The following NOVA1 variants were observed in gnomAD, a reference collection of about 807,000 sequenced individuals.
NOVA1 encodes the protein RNA-binding protein Nova-1.
In NOVA1, 7 loss-of-function variants were observed where a neutral mutation model predicts 38.0. The observed-to-expected ratio is 0.18, with a 90% CI of 0.10 to 0.35. NOVA1 has a LOEUF of 0.35. Ranked by LOEUF, NOVA1 falls within the 10% of genes least tolerant of loss-of-function variation. The pLI is 1.00. For missense variants in NOVA1, 460 were observed against 616.0 expected (o/e 0.75, Z 2.68); for synonymous variants, 270 against 232.5 (o/e 1.16, Z -1.47).
At chr14:26,558,502 T>C (rs1891629863) in intron 2 of NOVA1, among the ~76,000 whole-genome samples, 2 of 152,052 alleles carry the variant, frequency 1.3e-5, no homozygotes. Context: ...AAACAGTCCA[T>C]TAATTAAAGA....
At chr14:26,500,955 A>G (rs546748804) in intron 2 of NOVA1, among the ~76,000 whole-genome samples, 1 of 152,100 alleles carries the variant, frequency 6.6e-6, no homozygotes, top group Non-Finnish European at 1.5e-5. Flanking sequence ...TAAATGATTC[A>G]CAGTGCTCAT....
chr14:26,597,027 C>T, intron 1 of NOVA1: 1 of 1,212,564 alleles, frequency 8.2e-7, no homozygotes, highest in Non-Finnish European at 1.0e-6. Flanking sequence ...AACCTCTGGA[C>T]CGATTAAATG....
chr14:26,470,212 T>C, intron 4 of NOVA1: 1 of 1,036,314 alleles, frequency 9.6e-7, no homozygotes. Flanking sequence ...TATTAAAACC[T>C]ATTTTCTTAT....
chr14:26,544,196 A>G lies in NOVA1; in HGVS notation c.280+51214T>C, dbSNP rs113227357. Among the ~76,000 whole-genome samples, 1,201 of 152,072 alleles carry G rather than the reference A, an allele frequency of 7.9e-3. 3 individuals carry two copies. The highest frequency in any genetic ancestry group is 0.012 in the Non-Finnish European group (819 of 67,874). ...GACTATAAAAAAAGAAAAAAGAAAA[A>G]CAAGGTAACTCCAAAACAAAGAGGA... On this transcript the variant is annotated intron_variant, in intron 2 of 4. Transcript: ENST00000539517.
At chr14:26,464,209 C>T (rs944470017) in intron 4 of NOVA1, among the ~76,000 whole-genome samples, 2 of 152,116 alleles carry the variant, frequency 1.3e-5, no homozygotes, top group Non-Finnish European at 2.9e-5. Context: ...AATGACAGGC[C>T]ACATATATGG....
chr14:26,556,955 T>A (rs1891523980), intron 2 of NOVA1, among the ~76,000 whole-genome samples: 1 of 152,160 alleles, frequency 6.6e-6, no homozygotes, highest in African/African-American at 2.4e-5. Context: ...TAAGAGGGAA[T>A]AAGGTGTTGT....
intron 2 of NOVA1, among the ~76,000 whole-genome samples, chr14:26,587,487 A>G (rs1325287260): frequency 1.3e-5 from 2 of 151,114 alleles, no homozygotes; most frequent in Non-Finnish European, 3.0e-5. Flanking sequence ...AAATATGCAT[A>G]ATAATTAACA....
intron 2 of NOVA1, among the ~76,000 whole-genome samples, chr14:26,540,719 A>G (rs1229021084): frequency 6.6e-6 from 1 of 152,202 alleles, no homozygotes; most frequent in Non-Finnish European, 1.5e-5. Flanking sequence ...TTAATTTTAA[A>G]CTGTGGCACT....
At chr14:26,541,714 T>C (rs1890476607) in intron 2 of NOVA1, among the ~76,000 whole-genome samples, 1 of 151,530 alleles carries the variant, frequency 6.6e-6, no homozygotes, top group Non-Finnish European at 1.5e-5. Flanking sequence ...GAAAAATGTA[T>C]TTTACTGATG....
Position 26,447,765 on chromosome 14 carries a change from A to T in NOVA1, c.*194T>A, listed in dbSNP as rs1882196846. ...CAAAGTATAGAGAACAAAACAGATCAAGAAAAAATTCTTTCTATGAAACAT... is the reference window on the plus strand; with the variant it reads ...CAAAGTATAGAGAACAAAACAGATCTAGAAAAAATTCTTTCTATGAAACAT... On this transcript the variant is annotated 3_prime_UTR_variant, in exon 5 of 5. Transcript: ENST00000539517. 1.7e-6 allele frequency: 1 copy of T among 601,580 alleles called. No homozygotes were observed. Among genetic ancestry groups the T allele is most frequent in the African/African-American group, 1.9e-5 (1 of 53,892 alleles). The allele number at this position is 601,580 out of a possible 1,614,324, so 37.3% of individuals were successfully genotyped here.
chr14:26,484,673 G>A (rs1386552671), intron 2 of NOVA1, among the ~76,000 whole-genome samples: 3 of 151,730 alleles, frequency 2.0e-5, no homozygotes, highest in Non-Finnish European at 4.4e-5. Context: ...CTTGAATCTA[G>A]TAGATTCTAC....
chr14:26,497,752 G>GT (rs1319040096), intron 2 of NOVA1, among the ~76,000 whole-genome samples: 1 of 152,104 alleles, frequency 6.6e-6, no homozygotes, highest in African/African-American at 2.4e-5. Context: ...AACTAGTCAA[G>GT]TAAGGAGTAC....
At chr14:26,457,799 G>A (rs1245590362) in intron 4 of NOVA1, among the ~76,000 whole-genome samples, 3 of 152,150 alleles carry the variant, frequency 2.0e-5, no homozygotes, top group Non-Finnish European at 4.4e-5. Context: ...GGAGAGGATA[G>A]CTCCATGTGT....
In NOVA1 at chr14:26,501,824, C is replaced by T. The variant is rs527481091; in HGVS notation, c.281-21681G>A. Among the ~76,000 whole-genome samples, 496 of 151,992 alleles carry T rather than the reference C, an allele frequency of 3.3e-3. 2 individuals are homozygous for T. Among genetic ancestry groups the T allele is most frequent in the Non-Finnish European group, 5.5e-3 (373 of 67,816 alleles). On this transcript the variant is annotated intron_variant, in intron 2 of 4. Coordinates refer to ENST00000539517, the MANE Select transcript of NOVA1 (RefSeq NM_002515.3). ...CTTTTCAGCTATTAAAATAATCAAT[C>T]ATAAATCAAAGTGCCCATTTACTAT...
chr14:26,478,528 C>T (rs1310201373), intron 3 of NOVA1, among the ~76,000 whole-genome samples: 4 of 151,920 alleles, frequency 2.6e-5, no homozygotes, highest in Non-Finnish European at 4.4e-5. Flanking sequence ...CTCTTAGCCC[C>T]AGGTGATTTT....
At chr14:26,560,030 G>A (rs1303920371) in intron 2 of NOVA1, among the ~76,000 whole-genome samples, 2 of 151,508 alleles carry the variant, frequency 1.3e-5, no homozygotes, top group African/African-American at 4.8e-5. Context: ...AATACATTTT[G>A]TATAATTTGT....
chr14:26,452,063 T>G (rs1882726608), intron 4 of NOVA1, among the ~76,000 whole-genome samples: 1 of 152,198 alleles, frequency 6.6e-6, no homozygotes, highest in Non-Finnish European at 1.5e-5. Context: ...AGAAAATTAA[T>G]GGAAACATAA....
At chr14:26,571,134 T>C (rs1016271714) in intron 2 of NOVA1, among the ~76,000 whole-genome samples, 1 of 151,098 alleles carries the variant, frequency 6.6e-6, no homozygotes, top group Non-Finnish European at 1.5e-5. Flanking sequence ...AATTAAATAA[T>C]ATGGATTAAA....
At chr14:26,596,590 G>C in intron 1 of NOVA1, 2 of 1,289,046 alleles carry the variant, frequency 1.6e-6, no homozygotes, top group Non-Finnish European at 2.0e-6. Context: ...TCGATGCATT[G>C]GGTGCATTGT....
Sources: gnomAD v4.1 joint callset for allele counts (sites outside exome capture counted in the v4.1 genomes callset) on GRCh38, gnomAD v4.1.1 for gene constraint, MANE v1.5 for transcripts, NCBI Gene and HGNC (gene_info 2026-07-23, HGNC 2026-07-21) for gene names.